The following SLIT3 variants were observed in gnomAD, a reference collection of about 807,000 sequenced individuals.
SLIT3 encodes slit homolog 3 protein.
A neutral mutation model predicts 184.0 loss-of-function variants in SLIT3; 68 were observed. The observed-to-expected ratio is 0.37, with a 90% CI of 0.30 to 0.45. The LOEUF is 0.45. Among genes scored for constraint, SLIT3 ranks in the 20% least tolerant of loss-of-function variants. The pLI is 1.00. For synonymous variants in SLIT3, 831 were observed against 828.6 expected (o/e 1.00, Z -0.05); for missense variants, 1,707 against 2,026.0 (o/e 0.84, Z 3.02).
At chr5:169,243,542 C>A (rs1402906344) in intron 3 of SLIT3, among the ~76,000 whole-genome samples, 1 of 152,198 alleles carries the variant, frequency 6.6e-6, no homozygotes, top group Non-Finnish European at 1.5e-5. Context: ...TGAGACGGTT[C>A]ACACAACAGA....
At chr5:168,896,015 G>C (rs1051387334) in intron 4 of SLIT3, among the ~76,000 whole-genome samples, 1 of 152,218 alleles carries the variant, frequency 6.6e-6, no homozygotes, top group African/African-American at 2.4e-5. Flanking sequence ...CCAGCAAAGA[G>C]AAAAGGACCT....
intron 4 of SLIT3, among the ~76,000 whole-genome samples, chr5:169,168,952 C>T (rs1332420355): frequency 2.0e-5 from 3 of 152,212 alleles, no homozygotes; most frequent in Admixed American, 2.0e-4. Flanking sequence ...TCTCCCTCCA[C>T]CAAAGCACTA....
At chr5:169,247,751 C>T (rs75305465) in intron 2 of SLIT3, among the ~76,000 whole-genome samples, 13,935 of 152,054 alleles carry the variant, frequency 0.092, 749 homozygotes, top group South Asian at 0.12. Flanking sequence ...TAGGCGCATG[C>T]CACCACACCC....
chr5:168,757,170 T>C (rs1418311207), intron 16 of SLIT3, among the ~76,000 whole-genome samples: 1 of 152,034 alleles, frequency 6.6e-6, no homozygotes, highest in African/African-American at 2.4e-5. Context: ...TTGCCCCAGA[T>C]CCCAGGAAAC....
In SLIT3 at chr5:169,218,717, G is replaced by A. The variant is rs146284599; in HGVS notation, c.342-25167C>T. On this transcript the variant is annotated intron_variant, in intron 3 of 35. Coordinates refer to ENST00000519560, the MANE Select transcript of SLIT3 (RefSeq NM_003062.4). ...AGTTCTGAGTCTTACTTAAGATCATGCGTATAGATGTGGTTAACACAGAGC... is the reference window on the plus strand; with the variant it reads ...AGTTCTGAGTCTTACTTAAGATCATACGTATAGATGTGGTTAACACAGAGC... Among the ~76,000 whole-genome samples, 17 of 152,350 alleles carry A rather than the reference G, an allele frequency of 1.1e-4. No individual in the cohort carries two copies. In the East Asian group the frequency reaches 2.9e-3, roughly 26 times the overall value.
intron 32 of SLIT3, among the ~76,000 whole-genome samples, chr5:168,680,875 G>A (rs1761568751): frequency 6.6e-6 from 1 of 151,988 alleles, no homozygotes; most frequent in East Asian, 1.9e-4. Flanking sequence ...CTCCTGGTGG[G>A]CACAGTGGCT....
At chr5:169,045,825 T>C (rs1259790137) in intron 4 of SLIT3, among the ~76,000 whole-genome samples, 3 of 152,214 alleles carry the variant, frequency 2.0e-5, no homozygotes, top group Non-Finnish European at 4.4e-5. Flanking sequence ...GTCCTCCGAT[T>C]TTACCATACA....
intron 14 of SLIT3, 106 bp downstream of exon 14, chr5:168,772,675 C>G (rs1476976545): frequency 8.0e-7 from 1 of 1,251,948 alleles, no homozygotes; most frequent in African/African-American, 1.5e-5. Flanking sequence ...AGATGCTCCC[C>G]AGGAGCCATT....
At chr5:169,284,022 A>G (rs943096335) in intron 1 of SLIT3, among the ~76,000 whole-genome samples, 1 of 152,192 alleles carries the variant, frequency 6.6e-6, no homozygotes, top group Non-Finnish European at 1.5e-5. Context: ...GCTTGACACC[A>G]CAAAGACAAG....
intron 4 of SLIT3, among the ~76,000 whole-genome samples, chr5:168,957,615 G>GC: frequency 6.6e-6 from 1 of 152,342 alleles, no homozygotes; most frequent in Non-Finnish European, 1.5e-5. Context: ...AGCAATGGTT[G>GC]CCAAGCCTGG....
At chr5:168,689,103 A>G (rs1761832846) in intron 29 of SLIT3, among the ~76,000 whole-genome samples, 1 of 152,176 alleles carries the variant, frequency 6.6e-6, no homozygotes, top group Non-Finnish European at 1.5e-5. Context: ...ATGAGCATAC[A>G]AAACACCCAG....
intron 4 of SLIT3, among the ~76,000 whole-genome samples, chr5:169,031,191 T>C (rs1757013922): frequency 6.6e-6 from 1 of 152,202 alleles, no homozygotes; most frequent in Non-Finnish European, 1.5e-5. Context: ...TGGCTTGTGA[T>C]CAGTGTAGGC....
intron 4 of SLIT3, among the ~76,000 whole-genome samples, chr5:169,056,769 G>A (rs1249092494): frequency 1.3e-5 from 2 of 152,150 alleles, no homozygotes; most frequent in Non-Finnish European, 2.9e-5. Flanking sequence ...GGAGCTGACG[G>A]TGCCCTGTGG....
chr5:168,970,282 A>C lies in SLIT3; in HGVS notation c.414-86946T>G, dbSNP rs183877985. Among the ~76,000 whole-genome samples the C allele has an allele frequency of 2.0e-5, 3 of 152,114 alleles. No homozygotes were observed. The East Asian group carries it at 5.8e-4, about 30-fold the overall frequency. ...AGGCTGAGGCAGGCGGATCACCTGA[A>C]GTCAGGAGTTCAAGACCAGCCTGGC... On this transcript the variant is annotated intron_variant, in intron 4 of 35. Transcript: ENST00000519560.
chr5:169,200,215 A>G (rs1018983871), intron 3 of SLIT3, among the ~76,000 whole-genome samples: 3 of 152,220 alleles, frequency 2.0e-5, no homozygotes, highest in African/African-American at 7.2e-5. Context: ...CTGCACATCA[A>G]ATCCCCTCCT....
chr5:168,859,548 T>C (rs981199690), intron 5 of SLIT3, among the ~76,000 whole-genome samples: 7 of 152,172 alleles, frequency 4.6e-5, no homozygotes, highest in African/African-American at 1.7e-4. Flanking sequence ...GAGCACTGAG[T>C]AAAGAGATTT....
At chr5:169,212,788 T>G (rs1475273379) in intron 3 of SLIT3, among the ~76,000 whole-genome samples, 1 of 152,172 alleles carries the variant, frequency 6.6e-6, no homozygotes, top group East Asian at 1.9e-4. Flanking sequence ...TCTTAATTTT[T>G]GCTTAAGTCT....
Position 168,666,426 on chromosome 5 carries a change from G to C in SLIT3, c.*28C>G, listed in dbSNP as rs375794310. 10 of 1,524,350 alleles carry C rather than the reference G, an allele frequency of 6.6e-6. No homozygotes were observed. Among genetic ancestry groups the C allele is most frequent in the South Asian group, 2.6e-5 (2 of 77,196 alleles). The allele number at this position is 1,524,350 out of a possible 1,614,324, so 94.4% of individuals were successfully genotyped here. On this transcript the variant is annotated 3_prime_UTR_variant, in exon 36 of 36. Transcript: ENST00000519560. ...TCCCAACTCCATCAAGCTGGAGTCC[G>C]AGAGGTGGCAGGCAGGCGGGCAGGG...
chr5:169,097,828 T>C (rs956243079), intron 4 of SLIT3, among the ~76,000 whole-genome samples: 9 of 152,172 alleles, frequency 5.9e-5, no homozygotes, highest in Non-Finnish European at 1.3e-4. Flanking sequence ...GTCCAAACCC[T>C]GCTCCCCAGG....
Sources: gnomAD v4.1 joint callset for allele counts (sites outside exome capture counted in the v4.1 genomes callset) on GRCh38, gnomAD v4.1.1 for gene constraint, MANE v1.5 for transcripts, NCBI Gene and HGNC (gene_info 2026-07-23, HGNC 2026-07-21) for gene names.